Variants in ATP2B2 observed in about 807,000 individuals in gnomAD.
The protein encoded by ATP2B2 is ATPase plasma membrane Ca2+ transporting 2, also known as plasma membrane calcium-transporting ATPase 2.
A neutral mutation model predicts 120.0 loss-of-function variants in ATP2B2; 15 were observed. That is an observed-to-expected ratio of 0.12 (90% CI 0.08 to 0.19). The LOEUF (loss-of-function observed/expected upper bound fraction) is 0.19. Among genes scored for constraint, ATP2B2 ranks in the 10% least tolerant of loss-of-function variants. The probability of loss-of-function intolerance (pLI) is 1.00; values close to 1 mark genes in which losing one functional copy is unlikely to be tolerated. For synonymous variants in ATP2B2, 694 were observed against 700.3 expected (o/e 0.99, Z 0.14); for missense variants, 1,045 against 1,719.8 (o/e 0.61, Z 6.94).
chr3:10,332,161 G>A (rs1334631713), intron 22 of ATP2B2: 2 of 807,294 alleles, frequency 2.5e-6, no homozygotes, highest in African/African-American at 1.7e-5. Context: ...CTAATGAGAA[G>A]TCCAGCTTTC....
At chr3:10,469,647 G>T (rs914069824) in intron 1 of ATP2B2, among the ~76,000 whole-genome samples, 8 of 152,182 alleles carry the variant, frequency 5.3e-5, no homozygotes, top group Non-Finnish European at 1.0e-4. Flanking sequence ...AGATAGCAGT[G>T]CAAGGAGACT....
At chr3:10,416,917 C>T (rs1407231113) in intron 2 of ATP2B2, among the ~76,000 whole-genome samples, 5 of 149,792 alleles carry the variant, frequency 3.3e-5, no homozygotes, top group Admixed American at 1.3e-4. Context: ...GGGCGGCAGC[C>T]GGGCAGAGGC....
At chr3:10,514,787 C>A (rs2125444083) in intron 3 of ATP2B2, among the ~76,000 whole-genome samples, 1 of 152,332 alleles carries the variant, frequency 6.6e-6, no homozygotes. Context: ...GGGGAAAGCC[C>A]CAGTCTAGTG....
intron 2 of ATP2B2, among the ~76,000 whole-genome samples, chr3:10,535,365 C>T (rs12714855): frequency 1.3e-5 from 2 of 151,582 alleles, no homozygotes; most frequent in African/African-American, 4.9e-5. Context: ...CAATCTACAG[C>T]GCTTGCATGC....
At chr3:10,480,875 C>T (rs1336833372) in intron 1 of ATP2B2, among the ~76,000 whole-genome samples, 3 of 152,236 alleles carry the variant, frequency 2.0e-5, no homozygotes, top group African/African-American at 7.2e-5. Flanking sequence ...CAGTGGCTTC[C>T]AGTACATGCA....
In ATP2B2 at chr3:10,328,833, C is replaced by G; in HGVS notation, c.3713G>C (p.Ser1238Thr). ...CCTCAGCTAAAGCGACGTCTCCAGG[C>G]TGTGGATGGGGCTCCCTGGACTTGA... ...TSSSPGSPIH[S>T]LETSL The change falls in exon 23 of 23, where the codon AGC becomes ACC. Residue 1238 changes from serine (S) to threonine (T), a missense_variant. By Grantham distance (58) the Ser-to-Thr change is moderately conservative. This residue lies in a region of ATP2B2 where 211 missense variants were observed against 385.1 expected (regional missense o/e 0.55). Coordinates refer to ENST00000360273, the MANE Select transcript of ATP2B2 (RefSeq NM_001001331.4). 1 of 1,611,404 alleles carries G rather than the reference C, an allele frequency of 6.2e-7. No individual in the cohort carries two copies. Among genetic ancestry groups the G allele is most frequent in the Non-Finnish European group, 8.5e-7 (1 of 1,177,794 alleles).
chr3:10,486,146 G>A (rs1376479640), intron 1 of ATP2B2, among the ~76,000 whole-genome samples: 1 of 152,174 alleles, frequency 6.6e-6, no homozygotes, highest in African/African-American at 2.4e-5. Flanking sequence ...CTTTGTGGGT[G>A]CCCGCTCATC....
chr3:10,449,444 G>A lies in ATP2B2; in HGVS notation c.100C>T (p.Leu34Phe), dbSNP rs1236193426. The A allele has an allele frequency of 1.9e-6, 3 of 1,614,250 alleles. No homozygotes were observed. Among genetic ancestry groups the A allele is most frequent in the South Asian group, 2.2e-5 (2 of 91,086 alleles). Reference sequence around the variant, plus strand: ...GCCTCAGTGCCCCGCAGCTCCATGAGGGAGCGGAGCTCCTCCATTGTGCAC... The same window carrying A: ...GCCTCAGTGCCCCGCAGCTCCATGAAGGAGCGGAGCTCCTCCATTGTGCAC... ...FGCTMEELRS[L>F]MELRGTEAVV... Residue 34 changes from leucine to phenylalanine, a missense_variant, in exon 2 of 23, where the codon CTC (leucine) becomes TTC (phenylalanine). By Grantham distance (22) the Leu-to-Phe change is conservative. This residue lies in a region of ATP2B2 where 139 missense variants were observed against 134.2 expected (regional missense o/e 1.04). Coordinates refer to ENST00000360273, the MANE Select transcript of ATP2B2 (RefSeq NM_001001331.4).
intron 1 of ATP2B2, among the ~76,000 whole-genome samples, chr3:10,463,942 A>T (rs2064613717): frequency 6.6e-6 from 1 of 151,972 alleles, no homozygotes; most frequent in Admixed American, 6.6e-5. Flanking sequence ...GCCGCTGCCT[A>T]CCTCAAACTC....
At chr3:10,419,356 T>C (rs187902795) in intron 2 of ATP2B2, among the ~76,000 whole-genome samples, 2 of 152,304 alleles carry the variant, frequency 1.3e-5, no homozygotes, top group East Asian at 3.9e-4. Context: ...ATATGATGTG[T>C]GGAAATAGTG....
chr3:10,625,158 T>C (rs1025040006), intron 1 of ATP2B2, among the ~76,000 whole-genome samples: 7 of 152,142 alleles, frequency 4.6e-5, no homozygotes, highest in Non-Finnish European at 8.8e-5. Flanking sequence ...CTACACAAGG[T>C]CTCTGGCTGC....
At chr3:10,471,924 C>G (rs1559379876) in intron 1 of ATP2B2, among the ~76,000 whole-genome samples, 1 of 151,280 alleles carries the variant, frequency 6.6e-6, no homozygotes, top group African/African-American at 2.4e-5. Context: ...ACTAAAAATA[C>G]AAAAAAATTA....
chr3:10,635,776 T>A lies in ATP2B2; in HGVS notation c.-459-15815A>T, dbSNP rs1185809450. Reference sequence around the variant, plus strand: ...CCTGCCAGCTTTGCACTGACCAGGCTGGGCTGGAGTCAGCAAATGATCCCC... The same window carrying A: ...CCTGCCAGCTTTGCACTGACCAGGCAGGGCTGGAGTCAGCAAATGATCCCC... On this transcript the variant is annotated intron_variant, in intron 1 of 21. Transcript: ENST00000646379. This position sits in a 1 kb window ranked among gnomAD's most constrained non-coding sequence, Gnocchi z 4.3. Among the ~76,000 whole-genome samples the A allele has an allele frequency of 6.6e-6, 1 of 152,230 alleles. No individual in the cohort carries two copies. The highest frequency in any genetic ancestry group is 1.5e-5 in the Non-Finnish European group (1 of 68,034).
intron 1 of ATP2B2, among the ~76,000 whole-genome samples, chr3:10,674,175 T>C (rs2125695281): frequency 6.6e-6 from 1 of 152,186 alleles, no homozygotes; most frequent in South Asian, 2.1e-4. Flanking sequence ...CATTTGGGGG[T>C]GGCCTTCCTA....
chr3:10,571,478 A>G (rs1188345301), intron 2 of ATP2B2, among the ~76,000 whole-genome samples: 1 of 152,236 alleles, frequency 6.6e-6, no homozygotes, highest in Non-Finnish European at 1.5e-5. Flanking sequence ...AACTGGCTGC[A>G]GAAGCCTGGG....
intron 15 of ATP2B2, 39 bp from the exon 16 acceptor site, chr3:10,350,238 G>A (rs772073020): frequency 3.5e-5 from 55 of 1,581,870 alleles, no homozygotes; most frequent in Non-Finnish European, 4.1e-5. Flanking sequence ...CGGTGGGGTC[G>A]GGGAGAGAAA....
intron 2 of ATP2B2, among the ~76,000 whole-genome samples, chr3:10,538,159 A>G (rs747741389): frequency 2.6e-5 from 4 of 152,200 alleles, no homozygotes; most frequent in Admixed American, 6.5e-5. Context: ...TCCTTAAAAT[A>G]TATTGGAATT....
At chr3:10,527,020 G>C (rs142669042) in intron 3 of ATP2B2, among the ~76,000 whole-genome samples, 4 of 152,192 alleles carry the variant, frequency 2.6e-5, no homozygotes, top group African/African-American at 7.2e-5. Context: ...TGGGGTCAAA[G>C]GGTCGAGAGC....
At chr3:10,454,058 T>A (rs1412612541) in intron 1 of ATP2B2, among the ~76,000 whole-genome samples, 4 of 148,378 alleles carry the variant, frequency 2.7e-5, no homozygotes, top group Non-Finnish European at 4.5e-5. Flanking sequence ...CATCCATCCA[T>A]CCACTTACCC....
Sources: gnomAD v4.1 joint callset for allele counts (sites outside exome capture counted in the v4.1 genomes callset) on GRCh38, gnomAD v4.1.1 for gene constraint, gnomAD v4.1.1 regional missense constraint, Gnocchi (gnomAD v3.1) non-coding constraint, MANE v1.5 for transcripts, NCBI Gene and HGNC (gene_info 2026-07-23, HGNC 2026-07-21) for gene names.